The following TGFBR3 variants were observed in gnomAD, a reference collection of about 807,000 sequenced individuals.
TGFBR3 encodes the protein transforming growth factor beta receptor 3, also known as transforming growth factor beta receptor type 3.
TGFBR3 carries 46 observed loss-of-function variants against 87.9 expected under a neutral mutation model. The observed-to-expected ratio is 0.52, with a 90% confidence interval of 0.41 to 0.67. The LOEUF (loss-of-function observed/expected upper bound fraction) is 0.67, where lower values mean the gene tolerates loss of function less well. TGFBR3 is among the 30% of genes least tolerant of loss of function. TGFBR3 has a pLI of 0.00. For missense variants in TGFBR3, 866 were observed against 1,041.9 expected, an observed-to-expected ratio of 0.83 and a Z score of 2.32; for synonymous variants, 381 against 391.6, an observed-to-expected ratio of 0.97 and a Z score of 0.32.
intron 2 of TGFBR3, among the ~76,000 whole-genome samples, chr1:91,822,488 A>G (rs1676486286): frequency 6.6e-6 from 1 of 152,032 alleles, no homozygotes; most frequent in South Asian, 2.1e-4. Context: ...CTCCTTTATT[A>G]GCCTTCCCAA....
chr1:91,810,047 G>A (rs935034349), intron 2 of TGFBR3, among the ~76,000 whole-genome samples: 6 of 152,276 alleles, frequency 3.9e-5, no homozygotes, highest in Middle Eastern at 3.4e-3. Flanking sequence ...CTGTGGTTCA[G>A]AACCACAGTT....
At chr1:91,880,467 G>A (rs960245713) in intron 1 of TGFBR3, among the ~76,000 whole-genome samples, 3 of 151,914 alleles carry the variant, frequency 2.0e-5, no homozygotes, top group East Asian at 1.9e-4. Context: ...GCGTGGTGGC[G>A]GGCGCCTGTA....
At chr1:91,789,204 G>A (rs1185033766) in intron 3 of TGFBR3, among the ~76,000 whole-genome samples, 1 of 152,166 alleles carries the variant, frequency 6.6e-6, no homozygotes, top group African/African-American at 2.4e-5. Context: ...CTACTCAGGA[G>A]GCTAAGGCAG....
At chr1:91,688,159 G>C (rs1349585318) in intron 16 of TGFBR3, among the ~76,000 whole-genome samples, 1 of 152,048 alleles carries the variant, frequency 6.6e-6, no homozygotes, top group Admixed American at 6.5e-5. Flanking sequence ...ACGGGGAAAA[G>C]ACTATATCAA....
chr1:91,745,424 A>G (rs1019453388), intron 4 of TGFBR3, among the ~76,000 whole-genome samples: 2 of 152,234 alleles, frequency 1.3e-5, no homozygotes, highest in African/African-American at 4.8e-5. Context: ...GAAAAGACAC[A>G]CGGTAAAGGA....
chr1:91,743,468 T>C (rs1056241682), intron 4 of TGFBR3, among the ~76,000 whole-genome samples: 6 of 152,170 alleles, frequency 3.9e-5, no homozygotes, highest in Non-Finnish European at 8.8e-5. Flanking sequence ...CCATTTAAAT[T>C]TACAACCCCA....
chr1:91,898,549 G>A (rs1679604778), intron 2 of TGFBR3, among the ~76,000 whole-genome samples: 2 of 152,042 alleles, frequency 1.3e-5, no homozygotes, highest in South Asian at 4.1e-4. Flanking sequence ...CCATTCTCCT[G>A]CCTCAGCCTC....
chr1:91,817,528 T>C (rs187922267), intron 2 of TGFBR3, among the ~76,000 whole-genome samples: 1 of 152,334 alleles, frequency 6.6e-6, no homozygotes, highest in Admixed American at 6.5e-5. Context: ...ATTCTGCTTT[T>C]TGAAATTACT....
intron 2 of TGFBR3, among the ~76,000 whole-genome samples, chr1:91,820,677 C>G (rs930267823): frequency 2.0e-5 from 3 of 152,070 alleles, no homozygotes; most frequent in Non-Finnish European, 2.9e-5. Flanking sequence ...CACAGCGAGA[C>G]TCCGTCTAAA....
intron 1 of TGFBR3, among the ~76,000 whole-genome samples, chr1:91,880,491 G>A (rs796888228): frequency 2.6e-5 from 4 of 152,066 alleles, no homozygotes; most frequent in East Asian, 1.9e-4. Flanking sequence ...TCAGCTACTC[G>A]GGAGACTGAG....
chr1:91,731,095 A>T (rs896511646), intron 5 of TGFBR3, among the ~76,000 whole-genome samples: 5 of 152,250 alleles, frequency 3.3e-5, no homozygotes, highest in African/African-American at 1.2e-4. Context: ...TAGGTGTAGC[A>T]TGCTTTTTTC....
upstream of TGFBR3, chr1:91,886,314 TC>T (rs1331647227): frequency 2.6e-6 from 1 of 386,578 alleles, no homozygotes; most frequent in Admixed American, 2.9e-5. Flanking sequence ...GCCTCCCGCC[TC>T]CCGCCTCCTC....
At chr1:91,832,294 CA>C (rs1676879397) in intron 2 of TGFBR3, among the ~76,000 whole-genome samples, 1 of 152,116 alleles carries the variant, frequency 6.6e-6, no homozygotes, top group Non-Finnish European at 1.5e-5. Context: ...GAGAGCTTTG[CA>C]AATACTAAGG....
At chr1:91,838,724 C>T (rs1460405135) in intron 2 of TGFBR3, among the ~76,000 whole-genome samples, 1 of 152,032 alleles carries the variant, frequency 6.6e-6, no homozygotes, top group Non-Finnish European at 1.5e-5. Context: ...CCGCCTCTGC[C>T]TCCCAAAGTG....
At chr1:91,706,308 C>T (rs1027410487) in intron 14 of TGFBR3, among the ~76,000 whole-genome samples, 7 of 152,098 alleles carry the variant, frequency 4.6e-5, no homozygotes, top group Non-Finnish European at 7.3e-5. Context: ...ATAAAGACCC[C>T]GCTGATAAAG....
chr1:91,734,749 C>T (rs755859639), intron 5 of TGFBR3, 27 bp downstream of exon 5: 9 of 1,610,610 alleles, frequency 5.6e-6, no homozygotes, highest in Admixed American at 1.7e-5. Flanking sequence ...ATAAATCAGT[C>T]ATTAACTGAA....
At chr1:91,893,361 TACAACCTTCACCTCCCGG>T (rs1430304884) in intron 2 of TGFBR3, among the ~76,000 whole-genome samples, 6 of 152,164 alleles carry the variant, frequency 3.9e-5, no homozygotes, top group African/African-American at 1.4e-4. Context: ...CTCGGCCCAC[TACAACCTTCACCTCCCGG>T]GTTCAAGCAA....
Position 91,719,468 on chromosome 1 carries a change from AAAC to A in TGFBR3, c.1414-7_1414-5del. On this transcript the variant is annotated splice_polypyrimidine_tract_variant and splice_region_variant and intron_variant, in intron 9 of 16. Transcript: ENST00000212355. ...CCATCCCCGAGTAGCCACTGGCCTA[AAAC>A]AACAACCACCAAAGACATGGTTGGA... The A allele has an allele frequency of 1.2e-6, 2 of 1,614,024 alleles. No homozygotes were observed. The highest frequency in any genetic ancestry group is 1.7e-6 in the Non-Finnish European group (2 of 1,179,988).
At chr1:91,775,390 A>T (rs1268806104) in intron 3 of TGFBR3, among the ~76,000 whole-genome samples, 2 of 152,124 alleles carry the variant, frequency 1.3e-5, no homozygotes, top group African/African-American at 4.8e-5. Flanking sequence ...TCTCATCTCC[A>T]ACAAGCTGCT....
Sources: allele counts gnomAD v4.1 joint callset (sites outside exome capture counted in the v4.1 genomes callset), GRCh38; gene constraint gnomAD v4.1.1; transcripts MANE v1.5; gene names NCBI Gene and HGNC (gene_info 2026-07-23, HGNC 2026-07-21).